TFEC: variants seen among roughly 807,000 people sequenced by gnomAD.
TFEC encodes class E basic helix-loop-helix protein 34.
A neutral mutation model predicts 41.6 loss-of-function variants in TFEC; 31 were observed. That is an observed-to-expected ratio of 0.74 (90% CI 0.56 to 1.01). The LOEUF (loss-of-function observed/expected upper bound fraction) is 1.01. Among genes scored for constraint, TFEC ranks in the 50% least tolerant of loss-of-function variants. The pLI, the probability that TFEC is intolerant of heterozygous loss-of-function variation, is 0.00. For synonymous variants in TFEC, 143 were observed against 140.6 expected (o/e 1.02, Z -0.12); for missense variants, 402 against 404.1 (o/e 0.99, Z 0.04).
chr7:116,085,523 T>C (rs1372464423), intron 3 of TFEC, among the ~76,000 whole-genome samples: 1 of 151,894 alleles, frequency 6.6e-6, no homozygotes, highest in Non-Finnish European at 1.5e-5. Flanking sequence ...ATTAAACAGA[T>C]ACTAAAATCC....
intron 1 of TFEC, among the ~76,000 whole-genome samples, chr7:115,995,792 C>T (rs1368136007): frequency 1.3e-5 from 2 of 152,154 alleles, no homozygotes; most frequent in African/African-American, 2.4e-5. Context: ...AGTGCAGCGA[C>T]TGTGGAACTT....
chr7:116,090,089 A>G (rs55991112), intron 3 of TFEC, among the ~76,000 whole-genome samples: 23,734 of 152,182 alleles, frequency 0.16, 2,003 homozygotes, highest in East Asian at 0.33. Context: ...CCTAAGTAAC[A>G]AAAGGACAAG....
intron 1 of TFEC, among the ~76,000 whole-genome samples, chr7:115,995,959 G>A (rs1247289769): frequency 6.6e-6 from 1 of 152,214 alleles, no homozygotes; most frequent in African/African-American, 2.4e-5. Context: ...TCACCACCAT[G>A]GGTAAAGCTC....
At chr7:116,039,504 CA>C (rs908415909) in intron 3 of TFEC, among the ~76,000 whole-genome samples, 5 of 150,720 alleles carry the variant, frequency 3.3e-5, no homozygotes, top group Admixed American at 1.3e-4. Flanking sequence ...AGATATATGC[CA>C]AAAGCACCTT....
intron 1 of TFEC, among the ~76,000 whole-genome samples, chr7:116,019,098 T>C (rs1795300945): frequency 1.3e-5 from 2 of 151,852 alleles, no homozygotes; most frequent in Non-Finnish European, 2.9e-5. Flanking sequence ...GGAGACTCCA[T>C]CAGACCAAAG....
rs147857893 is a variant in TFEC at position 116,079,115 on chromosome 7, G to C, written c.198+31593C>G. Among the ~76,000 whole-genome samples the C allele has an allele frequency of 9.9e-5, 15 of 152,062 alleles. No individual in the cohort carries two copies. The East Asian group carries it at 2.7e-3, about 27-fold the overall frequency. On this transcript the variant is annotated intron_variant, in intron 3 of 8. Transcript: ENST00000484212. ...CTCCATAGACGCAGGAAAAACATTTGACAAAATCCACCATCTCTTTATGAT... is the reference window on the plus strand; with the variant it reads ...CTCCATAGACGCAGGAAAAACATTTCACAAAATCCACCATCTCTTTATGAT...
intron 3 of TFEC, among the ~76,000 whole-genome samples, chr7:116,075,367 G>A (rs1249697332): frequency 6.6e-6 from 1 of 152,166 alleles, no homozygotes; most frequent in Non-Finnish European, 1.5e-5. Context: ...AGAGAAAGCT[G>A]AGGGAATCCA....
chr7:116,038,657 T>G (rs1335802420), intron 3 of TFEC, among the ~76,000 whole-genome samples: 2 of 152,050 alleles, frequency 1.3e-5, no homozygotes, highest in African/African-American at 2.4e-5. Context: ...CTTTGTAATG[T>G]TAGAATGTTC....
Position 115,936,228 on chromosome 7 carries a change from A to T in TFEC, c.*4323T>A, listed in dbSNP as rs1398130093. 2.0e-5 allele frequency: 3 copies of T among 151,646 alleles called. No homozygotes were observed. Among genetic ancestry groups the T allele is most frequent in the African/African-American group, 7.2e-5 (3 of 41,416 alleles). The allele number at this position is 151,646 out of a possible 1,614,324, so 9.4% of individuals were successfully genotyped here. ...AACACTCGAAATGTATTTTGTATTT[A>T]TTAGGTAAATGTAATGAAATCTCTG... is the stretch of plus-strand genomic sequence containing the variant. On this transcript the variant is annotated 3_prime_UTR_variant, in exon 8 of 8. Coordinates refer to ENST00000265440, the MANE Select transcript of TFEC (RefSeq NM_012252.4).
At chr7:115,999,922 A>ATTTT (rs1562924761) in intron 1 of TFEC, among the ~76,000 whole-genome samples, 1 of 151,890 alleles carries the variant, frequency 6.6e-6, no homozygotes, top group Admixed American at 6.6e-5. Flanking sequence ...TACTACTCAA[A>ATTTT]CTTTCTGAAA....
At chr7:115,974,677 CTTTA>C (rs1372932642) in intron 2 of TFEC, among the ~76,000 whole-genome samples, 1 of 151,098 alleles carries the variant, frequency 6.6e-6, no homozygotes, top group African/African-American at 2.4e-5. Flanking sequence ...TTTCTACAAA[CTTTA>C]TTTTTCTTTT....
rs77500971 is a variant in TFEC, at chr7:116,021,701, A to T, written c.-73+8932T>A. Reference sequence around the variant, plus strand: ...ATCTGACCACTTCAACCTGACAGGCAAGCCAGTCAAATAAGCAGTCAGTGG... The same window carrying T: ...ATCTGACCACTTCAACCTGACAGGCTAGCCAGTCAAATAAGCAGTCAGTGG... On this transcript the variant is annotated intron_variant, in intron 1 of 7. Coordinates refer to ENST00000265440, the MANE Select transcript of TFEC (RefSeq NM_012252.4). Among the ~76,000 whole-genome samples, 13 of 152,310 alleles carry T rather than the reference A, an allele frequency of 8.5e-5. No homozygotes were observed. The East Asian group carries it at 2.3e-3, about 27-fold the overall frequency.
chr7:116,127,856 C>T (rs576047632), intron 1 of TFEC, among the ~76,000 whole-genome samples: 74 of 152,072 alleles, frequency 4.9e-4, no homozygotes, highest in African/African-American at 1.8e-3. Context: ...CTTTTCTAGC[C>T]CACACACCCA....
At chr7:116,060,432 A>G (rs1027208251) in intron 3 of TFEC, among the ~76,000 whole-genome samples, 8 of 152,156 alleles carry the variant, frequency 5.3e-5, no homozygotes, top group African/African-American at 1.7e-4. Flanking sequence ...TTGCAGCACT[A>G]TTCACAATAT....
intron 1 of TFEC, among the ~76,000 whole-genome samples, chr7:116,153,266 G>GT (rs1290649571): frequency 2.1e-5 from 3 of 143,150 alleles, no homozygotes; most frequent in South Asian, 2.3e-4. Context: ...GTTTTGTTTT[G>GT]TTTTTTTGAG....
chr7:116,153,947 G>C (rs1798816160), intron 1 of TFEC, among the ~76,000 whole-genome samples: 1 of 152,172 alleles, frequency 6.6e-6, no homozygotes, highest in South Asian at 2.1e-4. Context: ...AAACAGAAAA[G>C]TGTCCCCAGG....
intron 3 of TFEC, among the ~76,000 whole-genome samples, chr7:116,101,196 C>T (rs548483650): frequency 1.4e-5 from 2 of 139,000 alleles, no homozygotes; most frequent in East Asian, 2.1e-4. Flanking sequence ...ATGCCCCCCC[C>T]CAAAAAAAAG....
chr7:116,079,488 GATACAAAACTC>G (rs1797038990), intron 3 of TFEC, among the ~76,000 whole-genome samples: 1 of 151,984 alleles, frequency 6.6e-6, no homozygotes, highest in South Asian at 2.1e-4. Context: ...GATGTTTCAG[GATACAAAACTC>G]ATGTACACAA....
chr7:115,953,057 A>G (rs1398114359), intron 5 of TFEC, among the ~76,000 whole-genome samples: 6 of 151,998 alleles, frequency 3.9e-5, no homozygotes. Context: ...CCCAGTTCTG[A>G]CCAATGGGCA....
Sources: gnomAD v4.1 joint callset for allele counts (sites outside exome capture counted in the v4.1 genomes callset) on GRCh38, gnomAD v4.1.1 for gene constraint, MANE v1.5 for transcripts, NCBI Gene and HGNC (gene_info 2026-07-23, HGNC 2026-07-21) for gene names.